PTPRE: variants seen among roughly 807,000 people sequenced by gnomAD.
The protein encoded by PTPRE is receptor-type tyrosine-protein phosphatase epsilon.
In PTPRE, 51 loss-of-function variants were observed where a neutral mutation model predicts 102.0. That is an observed-to-expected ratio of 0.50 (90% confidence interval 0.40 to 0.63). PTPRE has a LOEUF of 0.63. Among genes scored for constraint, PTPRE ranks in the 30% least tolerant of loss-of-function variants. The probability of loss-of-function intolerance (pLI) is 0.00; values close to 1 mark genes in which losing one functional copy is unlikely to be tolerated. For missense variants in PTPRE, 752 were observed against 915.1 expected (o/e 0.82, Z 2.30); for synonymous variants, 345 against 348.2 (o/e 0.99, Z 0.10).
At chr10:127,971,875 C>A (rs1368447774) in intron 1 of PTPRE, among the ~76,000 whole-genome samples, 1 of 152,202 alleles carries the variant, frequency 6.6e-6, no homozygotes, top group African/African-American at 2.4e-5. Context: ...AGACCTCAGA[C>A]CTCCTGGCAG....
chr10:128,051,768 C>T (rs912064392), intron 6 of PTPRE, among the ~76,000 whole-genome samples: 4 of 152,308 alleles, frequency 2.6e-5, no homozygotes, highest in African/African-American at 4.8e-5. Flanking sequence ...GGTAGAGACG[C>T]GGTGGAGGGG....
Position 128,056,219 on chromosome 10 carries a change from AT to A in PTPRE, c.511+10del. On this transcript the variant is annotated splice_region_variant and intron_variant, in intron 7 of 20. Coordinates refer to ENST00000254667, the MANE Select transcript of PTPRE (RefSeq NM_006504.6). ...ATATCCCAACATCCTTCCCAGTAAGATTTTATTTTATGTTTTGCATGATCAA... is the reference window on the plus strand; with the variant it reads ...ATATCCCAACATCCTTCCCAGTAAGATTTATTTTATGTTTTGCATGATCAA... The A allele has an allele frequency of 6.3e-7, 1 of 1,590,138 alleles. No homozygotes were observed. Among genetic ancestry groups the A allele is most frequent in the Non-Finnish European group, 8.6e-7 (1 of 1,158,426 alleles).
chr10:127,912,574 G>A (rs1299629495), intron 1 of PTPRE, among the ~76,000 whole-genome samples: 1 of 152,228 alleles, frequency 6.6e-6, no homozygotes, highest in African/African-American at 2.4e-5. Flanking sequence ...ACGTGTTTTG[G>A]GCAGGTGCTT....
chr10:127,997,586 T>C (rs1853400825), intron 2 of PTPRE, among the ~76,000 whole-genome samples: 1 of 152,200 alleles, frequency 6.6e-6, no homozygotes, highest in African/African-American at 2.4e-5. Flanking sequence ...TAGGAATTAA[T>C]ATAAGTACAT....
chr10:127,942,086 C>T (rs1207499971), intron 1 of PTPRE, among the ~76,000 whole-genome samples: 1 of 152,108 alleles, frequency 6.6e-6, no homozygotes, highest in Admixed American at 6.5e-5. Flanking sequence ...GGGCAAGCCT[C>T]CTATAGTCCA....
At chr10:127,934,697 G>A (rs183066642) in intron 1 of PTPRE, 1 of 152,606 alleles carries the variant, frequency 6.6e-6, no homozygotes, top group African/African-American at 2.4e-5. Flanking sequence ...TGAGGTTGTG[G>A]AGCACCGGGA....
At chr10:127,990,279 G>A (rs1442089566) in intron 2 of PTPRE, among the ~76,000 whole-genome samples, 1 of 151,940 alleles carries the variant, frequency 6.6e-6, no homozygotes, top group East Asian at 1.9e-4. Context: ...AGGCATGGTG[G>A]CACGTGCCTG....
At position 127,931,086 on chromosome 10, in the gene PTPRE, C is replaced by T. The variant is rs995241545; in HGVS notation, c.-31+23777C>T. Among the ~76,000 whole-genome samples, 10 of 152,204 alleles carry T rather than the reference C, an allele frequency of 6.6e-5. No homozygotes were observed. The East Asian group carries it at 7.7e-4, about 12-fold the overall frequency. ...GATTGCAGGCATGAGCCACCGTGCC[C>T]GGCCCGCCAGTTGTTTTTTCCTTTG... On this transcript the variant is annotated intron_variant, in intron 1 of 20. Coordinates refer to ENST00000254667, the MANE Select transcript of PTPRE (RefSeq NM_006504.6).
chr10:128,043,684 T>C (rs1156477515), intron 3 of PTPRE, among the ~76,000 whole-genome samples: 2 of 151,928 alleles, frequency 1.3e-5, no homozygotes, highest in Non-Finnish European at 2.9e-5. Context: ...AAGATATATA[T>C]GTGTGTGTGT....
intron 2 of PTPRE, among the ~76,000 whole-genome samples, chr10:128,022,770 C>A (rs1846004688): frequency 6.6e-6 from 1 of 152,178 alleles, no homozygotes; most frequent in Non-Finnish European, 1.5e-5. Flanking sequence ...GGCACAGGGG[C>A]CTGGGAGGGG....
intron 1 of PTPRE, among the ~76,000 whole-genome samples, chr10:127,950,874 A>T (rs1033660834): frequency 6.6e-5 from 10 of 151,878 alleles, no homozygotes; most frequent in Admixed American, 6.6e-4. Context: ...AGGCGGGCAG[A>T]TCACTAGGTC....
Position 128,014,002 on chromosome 10 carries a change from G to A in PTPRE, c.-7-26873G>A, listed in dbSNP as rs187375148. On this transcript the variant is annotated intron_variant, in intron 2 of 20. Transcript: ENST00000254667. ...CACGGAATTAGACAAGACCCAATGT[G>A]CCCCTACCTCTGCCATTCTCTTGAA... Among the ~76,000 whole-genome samples the A allele has an allele frequency of 7.2e-5, 11 of 152,296 alleles. 1 individual carries two copies. The highest frequency in any genetic ancestry group is 1.5e-4 in the Non-Finnish European group (10 of 68,016).
At chr10:128,076,112 G>A (rs1455112340) in intron 17 of PTPRE, among the ~76,000 whole-genome samples, 1 of 152,164 alleles carries the variant, frequency 6.6e-6, no homozygotes, top group African/African-American at 2.4e-5. Flanking sequence ...AGTAATCCTT[G>A]TGTACCTCAA....
Position 128,070,040 on chromosome 10 carries a change from G to T in PTPRE, c.1143+213G>T. ...TCCCTCGTATCCTCATGTGAGATGG[G>T]GCAATCCTACTCCCCCAAACGGTGC... On this transcript the variant is annotated intron_variant, in intron 13 of 20. Transcript: ENST00000254667. The surrounding 1 kb of genome is among the most constrained non-coding windows in gnomAD (Gnocchi z 4.8). 1 of 743,364 alleles carries T rather than the reference G, an allele frequency of 1.3e-6. No homozygotes were observed. The allele number at this position is 743,364 out of a possible 1,614,324, so 46.0% of individuals were successfully genotyped here. A position where few individuals can be genotyped will look rare whatever the true frequency, so the allele number is the denominator to read the frequency against.
chr10:127,909,752 C>G (rs573167733), intron 1 of PTPRE, among the ~76,000 whole-genome samples: 1 of 152,334 alleles, frequency 6.6e-6, no homozygotes, highest in East Asian at 1.9e-4. Flanking sequence ...GGACTACTGT[C>G]CATGGATAAA....
intron 1 of PTPRE, among the ~76,000 whole-genome samples, chr10:127,949,186 G>A (rs925102287): frequency 1.3e-5 from 2 of 152,150 alleles, no homozygotes; most frequent in Admixed American, 1.3e-4. Context: ...GTGTGCCAGG[G>A]TCTTCAGCTT....
Position 128,045,596 on chromosome 10 carries a change from G to T in PTPRE, c.110-1794G>T, listed in dbSNP as rs373406680. 2.4e-4 allele frequency among the ~76,000 whole-genome samples: 36 copies of T among 152,272 alleles called. No homozygotes were observed. The East Asian group carries it at 2.9e-3, about 12-fold the overall frequency. ...GAGCAGCAGCCAGGCCCTCCGTGGG[G>T]CTGGGCTCCAGGCTGCCCCTCCCTC... On this transcript the variant is annotated intron_variant, in intron 3 of 20. Transcript: ENST00000254667.
intron 1 of PTPRE, among the ~76,000 whole-genome samples, chr10:127,920,147 A>G (rs771971988): frequency 6.6e-5 from 10 of 152,168 alleles, no homozygotes; most frequent in Admixed American, 2.0e-4. Context: ...TTTGAATGCA[A>G]TGGGCTTAGC....
At chr10:128,066,273 T>C in intron 11 of PTPRE, 79 bp downstream of exon 11, 1 of 1,569,720 alleles carries the variant, frequency 6.4e-7, no homozygotes, top group East Asian at 2.2e-5. Context: ...TCCTTCTGCA[T>C]TTATGAAGTG....
Sources: gnomAD v4.1 joint callset for allele counts (sites outside exome capture counted in the v4.1 genomes callset) on GRCh38, gnomAD v4.1.1 for gene constraint, Gnocchi (gnomAD v3.1) non-coding constraint, MANE v1.5 for transcripts, NCBI Gene and HGNC (gene_info 2026-07-23, HGNC 2026-07-21) for gene names.